The following PCP4L1 variants were observed in gnomAD, a reference collection of about 807,000 sequenced individuals.
PCP4L1 encodes Purkinje cell protein 4 like 1.
A neutral mutation model predicts 9.6 loss-of-function variants in PCP4L1; 9 were observed. That is an observed-to-expected ratio of 0.94 (90% CI 0.57 to 1.64). The LOEUF is 1.64. PCP4L1 is among the 40% of genes most tolerant of loss of function. PCP4L1 has a pLI of 0.00. For synonymous variants in PCP4L1, 31 were observed against 28.2 expected (o/e 1.10, Z -0.31); for missense variants, 81 against 80.8 (o/e 1.00, Z -0.01).
chr1:161,279,131 T>C (rs991017546), intron 1 of PCP4L1, among the ~76,000 whole-genome samples: 2 of 152,186 alleles, frequency 1.3e-5, no homozygotes, highest in African/African-American at 2.4e-5. Context: ...ACAAACCTGC[T>C]TCAGGGACTT....
At chr1:161,276,816 T>G (rs758480740) in intron 1 of PCP4L1, among the ~76,000 whole-genome samples, 1 of 151,730 alleles carries the variant, frequency 6.6e-6, no homozygotes, top group African/African-American at 2.4e-5. Context: ...TACACAAAAT[T>G]TGGACCATAT....
intron 1 of PCP4L1, among the ~76,000 whole-genome samples, chr1:161,271,359 T>C (rs966344256): frequency 2.0e-5 from 3 of 152,252 alleles, no homozygotes; most frequent in Admixed American, 6.5e-5. Context: ...TGGTGAAATG[T>C]CTGTTCAAAT....
chr1:161,271,506 T>C (rs1324090928), intron 1 of PCP4L1, among the ~76,000 whole-genome samples: 1 of 152,158 alleles, frequency 6.6e-6, no homozygotes, highest in Non-Finnish European at 1.5e-5. Flanking sequence ...GTTTCTTTTT[T>C]TTTCCCCTCA....
At chr1:161,269,955 T>C (rs1465399153) in intron 1 of PCP4L1, among the ~76,000 whole-genome samples, 1 of 151,320 alleles carries the variant, frequency 6.6e-6, no homozygotes. Flanking sequence ...GCTGAGATTG[T>C]ACCATTGCAT....
At chr1:161,269,261 G>C (rs150552849) in intron 1 of PCP4L1, among the ~76,000 whole-genome samples, 4 of 152,168 alleles carry the variant, frequency 2.6e-5, no homozygotes, top group Non-Finnish European at 4.4e-5. Flanking sequence ...GTGGGGAAGG[G>C]GGGGTAAGAC....
chr1:161,271,980 T>TC (rs1321994843), intron 1 of PCP4L1, among the ~76,000 whole-genome samples: 1 of 149,650 alleles, frequency 6.7e-6, no homozygotes, highest in Non-Finnish European at 1.5e-5. Context: ...GACTAACCTT[T>TC]TTTTTTTTTA....
chr1:161,262,466 T>C (rs551319996), intron 1 of PCP4L1, among the ~76,000 whole-genome samples: 411 of 151,084 alleles, frequency 2.7e-3, no homozygotes, highest in Admixed American at 5.7e-3. Flanking sequence ...AGAAATGCCT[T>C]CTACCTCTGG....
At chr1:161,274,924 G>T (rs929524126) in intron 1 of PCP4L1, among the ~76,000 whole-genome samples, 1 of 152,142 alleles carries the variant, frequency 6.6e-6, no homozygotes, top group Non-Finnish European at 1.5e-5. Context: ...TCTCCTTGCA[G>T]CATCCTTTGC....
At chr1:161,270,135 A>G (rs1669598417) in intron 1 of PCP4L1, among the ~76,000 whole-genome samples, 1 of 152,076 alleles carries the variant, frequency 6.6e-6, no homozygotes, top group Non-Finnish European at 1.5e-5. Context: ...GGTCTCTACT[A>G]AAAATACAAA....
intron 1 of PCP4L1, among the ~76,000 whole-genome samples, chr1:161,272,558 C>CAA (rs551047419): frequency 4.9e-4 from 35 of 71,814 alleles, no homozygotes; most frequent in South Asian, 2.5e-3. Context: ...AACTCCGTCT[C>CAA]AAAAAAAAAA....
intron 1 of PCP4L1, among the ~76,000 whole-genome samples, chr1:161,275,299 G>A (rs1432151579): frequency 2.6e-5 from 4 of 151,874 alleles, no homozygotes; most frequent in Admixed American, 1.3e-4. Context: ...GGCGGATCAC[G>A]AGGTCAGGAG....
rs374288799 is a variant in PCP4L1, at chr1:161,259,063, G to A, written c.9+80G>A. 2.1e-5 allele frequency: 31 copies of A among 1,507,724 alleles called. No homozygotes were observed. In the East Asian group the frequency reaches 2.5e-4, roughly 12 times the overall value. The allele number at this position is 1,507,724 out of a possible 1,614,324, so 93.4% of individuals were successfully genotyped here. A position where few individuals can be genotyped will look rare whatever the true frequency, so the allele number is the denominator to read the frequency against. The stretch of plus-strand genomic sequence containing the variant: ...CGGCTCGGGATCCCAGGGAGGCGAG[G>A]GAGAGCGAGGCAGACCGGAGCCGCG... On this transcript the variant is annotated intron_variant, in intron 1 of 2. Transcript: ENST00000504449.
At position 161,281,603 on chromosome 1, in the gene PCP4L1, G is replaced by A. The variant is rs921132039; in HGVS notation, c.10-2065G>A. Among the ~76,000 whole-genome samples, 7 of 151,210 alleles carry A rather than the reference G, an allele frequency of 4.6e-5. No homozygotes were observed. In the East Asian group the frequency reaches 1.2e-3, roughly 26 times the overall value. ...CCCGGACGGGGCAGCTGGCCAGGAG[G>A]GGGCTGACCCCCACCTCCCTCCCGG... On this transcript the variant is annotated intron_variant, in intron 1 of 2. Transcript: ENST00000504449.
At chr1:161,276,759 G>A (rs1003264261) in intron 1 of PCP4L1, among the ~76,000 whole-genome samples, 3 of 148,428 alleles carry the variant, frequency 2.0e-5, no homozygotes, top group Non-Finnish European at 4.4e-5. Flanking sequence ...ATATATGTAT[G>A]TATATATATA....
chr1:161,268,460 T>G (rs1220659901), intron 1 of PCP4L1, among the ~76,000 whole-genome samples: 1 of 152,102 alleles, frequency 6.6e-6, no homozygotes, highest in East Asian at 1.9e-4. Flanking sequence ...ATTCTTATAT[T>G]CAACCCCAGG....
At chr1:161,267,835 C>T (rs1374969559) in intron 1 of PCP4L1, among the ~76,000 whole-genome samples, 1 of 152,144 alleles carries the variant, frequency 6.6e-6, no homozygotes, top group African/African-American at 2.4e-5. Context: ...ACCTCAGCCT[C>T]CTGAGTAGCT....
intron 1 of PCP4L1, among the ~76,000 whole-genome samples, chr1:161,270,901 A>G (rs1037615549): frequency 1.3e-5 from 2 of 151,718 alleles, no homozygotes; most frequent in African/African-American, 4.8e-5. Context: ...AGAGACCCCA[A>G]AGAGATCCCT....
intron 1 of PCP4L1, among the ~76,000 whole-genome samples, chr1:161,276,791 A>C (rs1191515306): frequency 7.3e-5 from 11 of 151,556 alleles, no homozygotes; most frequent in Non-Finnish European, 1.6e-4. Context: ...TATAAATATA[A>C]ACACATATGT....
intron 1 of PCP4L1, among the ~76,000 whole-genome samples, chr1:161,281,901 G>A (rs1023208207): frequency 3.3e-5 from 5 of 151,790 alleles, no homozygotes; most frequent in African/African-American, 9.7e-5. Flanking sequence ...CTTCCTAGAC[G>A]GGATGGCGGC....
Sources: allele counts gnomAD v4.1 joint callset (sites outside exome capture counted in the v4.1 genomes callset), GRCh38; gene constraint gnomAD v4.1.1; transcripts MANE v1.5; gene names NCBI Gene and HGNC (gene_info 2026-07-23, HGNC 2026-07-21).